DISC1: variants seen among roughly 807,000 people sequenced by gnomAD.
The protein encoded by DISC1 is disrupted in schizophrenia 1 protein.
Under a neutral mutation model 84.5 loss-of-function variants are expected in DISC1, and 57 were observed. The ratio of observed to expected loss-of-function variants is 0.67; its 90% confidence interval spans 0.55 to 0.84. The LOEUF (loss-of-function observed/expected upper bound fraction) is 0.84. DISC1 is among the 40% of genes least tolerant of loss of function. DISC1 has a pLI of 0.00. For synonymous variants in DISC1, 411 were observed against 415.2 expected (o/e 0.99, Z 0.12); for missense variants, 1,000 against 1,057.8 (o/e 0.95, Z 0.76).
At chr1:231,802,263 GT>G (rs2079330961) in intron 8 of DISC1, among the ~76,000 whole-genome samples, 2 of 152,194 alleles carry the variant, frequency 1.3e-5, no homozygotes, top group Middle Eastern at 3.4e-3. Context: ...CATGAGGGCG[GT>G]TTCCCCCATG....
rs564533670 is a variant in DISC1 at position 231,999,993 on chromosome 1, T to C, written c.2043-8792T>C. On this transcript the variant is annotated intron_variant, in intron 10 of 12. Coordinates refer to ENST00000439617, the MANE Select transcript of DISC1 (RefSeq NM_018662.3). The stretch of plus-strand genomic sequence containing the variant: ...GATAAAGCTAAACAGAATTCCCTCA[T>C]AAAATAAAAAAATTAAATGGAACTC... 3.1e-4 allele frequency among the ~76,000 whole-genome samples: 47 copies of C among 152,194 alleles called. No homozygotes were observed. In the South Asian group the frequency reaches 9.1e-3, roughly 30 times the overall value.
At chr1:231,627,554 G>A (rs571226271) in intron 1 of DISC1, among the ~76,000 whole-genome samples, 5 of 152,264 alleles carry the variant, frequency 3.3e-5, no homozygotes, top group Non-Finnish European at 7.3e-5. Context: ...AGACTGCTCG[G>A]TTTCCACCGC....
intron 6 of DISC1, among the ~76,000 whole-genome samples, chr1:231,785,654 G>T (rs1029759225): frequency 3.9e-5 from 6 of 152,050 alleles, no homozygotes; most frequent in African/African-American, 1.4e-4. Flanking sequence ...CTGTCATTTT[G>T]CTCTTTCCAT....
intron 9 of DISC1, chr1:231,945,292 C>T (rs1433371350): frequency 6.6e-6 from 1 of 152,204 alleles, no homozygotes; most frequent in African/African-American, 2.4e-5. Flanking sequence ...CAAATTAGAA[C>T]TCAAGATTAA....
At chr1:231,759,552 C>A (rs77653707) in intron 4 of DISC1, among the ~76,000 whole-genome samples, 7,457 of 59,940 alleles carry the variant, frequency 0.12, 119 homozygotes, top group Non-Finnish European at 0.16. Flanking sequence ...AAAAAAAAAA[C>A]AAAACTAGCC....
At chr1:231,888,854 G>C (rs2086987989) in intron 9 of DISC1, among the ~76,000 whole-genome samples, 1 of 152,036 alleles carries the variant, frequency 6.6e-6, no homozygotes, top group South Asian at 2.1e-4. Context: ...GGGCCCAGAG[G>C]ATGCTTCTTT....
chr1:231,827,764 T>C (rs1480116115), intron 9 of DISC1, among the ~76,000 whole-genome samples: 5 of 152,188 alleles, frequency 3.3e-5, no homozygotes, highest in African/African-American at 4.8e-5. Flanking sequence ...TAATCCACTT[T>C]CCATTGAGGC....
At chr1:231,989,592 C>G (rs1664914418) in intron 10 of DISC1, among the ~76,000 whole-genome samples, 1 of 152,122 alleles carries the variant, frequency 6.6e-6, no homozygotes, top group Admixed American at 6.5e-5. Flanking sequence ...GGGAGAGCAT[C>G]AAAGAGAGCT....
intron 1 of DISC1, among the ~76,000 whole-genome samples, chr1:231,668,347 G>T (rs10864693): frequency 0.5 from 76,466 of 152,022 alleles, 19,730 homozygotes; most frequent in East Asian, 0.83. Context: ...TTAAGCTTTA[G>T]ATATTATAAC....
chr1:231,794,172 C>G (rs1366184271), intron 6 of DISC1, among the ~76,000 whole-genome samples: 3 of 152,188 alleles, frequency 2.0e-5, no homozygotes, highest in Non-Finnish European at 4.4e-5. Flanking sequence ...TAGTCATTTC[C>G]CTGTTTATCT....
intron 1 of DISC1, among the ~76,000 whole-genome samples, chr1:231,677,891 C>T (rs1402941288): frequency 2.6e-5 from 4 of 151,992 alleles, no homozygotes; most frequent in East Asian, 1.9e-4. Flanking sequence ...ACAGGAGGAT[C>T]GCTTGAACCT....
At chr1:232,013,745 A>C (rs1344354122) in intron 11 of DISC1, among the ~76,000 whole-genome samples, 1 of 152,192 alleles carries the variant, frequency 6.6e-6, no homozygotes, top group Non-Finnish European at 1.5e-5. Flanking sequence ...GACGCTCTGC[A>C]TAGTATTTAT....
intron 9 of DISC1, among the ~76,000 whole-genome samples, chr1:231,952,090 C>CAAAAAAAAAAAAAAA (rs11392611): frequency 4.4e-4 from 24 of 54,162 alleles, no homozygotes; most frequent in East Asian, 1.8e-3. Context: ...CTCAATGTCT[C>CAAAAAAAAAAAAAAA]AAAAAAAAAA....
rs79639786 is a variant in DISC1 at position 232,024,165 on chromosome 1, G to A, written c.2308-2270G>A. ...ACCTTCAAGGGTGCTTCACACTAAA[G>A]TTCCTTTAATTGTGTCCATATGTCC... On this transcript the variant is annotated intron_variant, in intron 11 of 12. Coordinates refer to ENST00000439617, the MANE Select transcript of DISC1 (RefSeq NM_018662.3). Among the ~76,000 whole-genome samples the A allele has an allele frequency of 8.0e-3, 1,212 of 152,030 alleles. 22 individuals carry two copies. The highest frequency in any genetic ancestry group is 0.027 in the African/African-American group (1,140 of 41,458).
intron 9 of DISC1, among the ~76,000 whole-genome samples, chr1:231,859,568 T>TC (rs2084505212): frequency 4.0e-5 from 1 of 25,054 alleles, no homozygotes; most frequent in South Asian, 1.4e-3. Flanking sequence ...TACCATCACT[T>TC]TGGGGTTAGG....
At position 231,701,963 on chromosome 1, in the gene DISC1, C is replaced by T. The variant is rs1372737122; in HGVS notation, c.1056C>T (p.Ser352=). The T allele has an allele frequency of 6.2e-7, 1 of 1,602,426 alleles. No individual in the cohort carries two copies. Among genetic ancestry groups the T allele is most frequent in the African/African-American group, 1.3e-5 (1 of 74,564 alleles). Residue 352 remains serine, a synonymous_variant, in exon 3 of 13, where the codon TCC becomes TCT. Coordinates refer to ENST00000439617, the MANE Select transcript of DISC1 (RefSeq NM_018662.3). ...LRNRRQMEVI[S]LRLKLQKLQE... ...CCTTTAAACCAACATAGGTAATATC[C>T]TTAAGATTAAAACTTCAGAAACTTC... is the stretch of plus-strand genomic sequence containing the variant.
chr1:231,970,317 T>C (rs535436338), intron 10 of DISC1, among the ~76,000 whole-genome samples: 3 of 152,380 alleles, frequency 2.0e-5, no homozygotes, highest in African/African-American at 7.2e-5. Flanking sequence ...TGGTATCTCA[T>C]TGTGGTTTTG....
chr1:231,766,104 A>G (rs2076152208), intron 4 of DISC1, among the ~76,000 whole-genome samples: 1 of 152,038 alleles, frequency 6.6e-6, no homozygotes. Flanking sequence ...AGCCTGGCCA[A>G]CATGGTGAAA....
At chr1:231,914,705 T>C (rs1259811441) in intron 9 of DISC1, among the ~76,000 whole-genome samples, 1 of 152,180 alleles carries the variant, frequency 6.6e-6, no homozygotes, top group African/African-American at 2.4e-5. Flanking sequence ...CTCCAACTTA[T>C]CATGTGGAGG....
Sources: allele counts gnomAD v4.1 joint callset (sites outside exome capture counted in the v4.1 genomes callset), GRCh38; gene constraint gnomAD v4.1.1; transcripts MANE v1.5; gene names NCBI Gene and HGNC (gene_info 2026-07-23, HGNC 2026-07-21).